The following TSPAN9 variants were observed in gnomAD, a reference collection of about 807,000 sequenced individuals.
The protein encoded by TSPAN9 is tetraspanin-9.
A neutral mutation model predicts 31.0 loss-of-function variants in TSPAN9; 16 were observed. That is an observed-to-expected ratio of 0.52 (90% CI 0.35 to 0.78). The LOEUF is 0.78. Among genes scored for constraint, TSPAN9 ranks in the 30% least tolerant of loss-of-function variants. The pLI is 0.01. For missense variants in TSPAN9, 272 were observed against 312.5 expected, an observed-to-expected ratio of 0.87 and a Z score of 0.98; for synonymous variants, 145 against 121.6, an observed-to-expected ratio of 1.19 and a Z score of -1.27.
chr12:3,227,830 C>G (rs1248451342), intron 3 of TSPAN9, among the ~76,000 whole-genome samples: 1 of 152,132 alleles, frequency 6.6e-6, no homozygotes, highest in East Asian at 1.9e-4. Flanking sequence ...GAGGGCTGGT[C>G]CTGCTCGGGT....
chr12:3,186,910 C>T (rs377033966), intron 2 of TSPAN9, among the ~76,000 whole-genome samples: 1 of 152,144 alleles, frequency 6.6e-6, no homozygotes, highest in Non-Finnish European at 1.5e-5. Flanking sequence ...GGGTTTGTTA[C>T]AGTTGTTTGC....
chr12:3,152,579 C>T (rs953723505), intron 2 of TSPAN9, among the ~76,000 whole-genome samples: 3 of 150,374 alleles, frequency 2.0e-5, no homozygotes, highest in African/African-American at 4.9e-5. Flanking sequence ...GTCAGAGCCC[C>T]GTTCTTTTCT....
intron 2 of TSPAN9, among the ~76,000 whole-genome samples, chr12:3,146,582 T>C (rs549822518): frequency 1.3e-5 from 2 of 152,132 alleles, no homozygotes; most frequent in African/African-American, 2.4e-5. Context: ...TTAATTACAC[T>C]TGGAATAAGT....
chr12:3,142,357 T>A (rs977584139), intron 2 of TSPAN9, among the ~76,000 whole-genome samples: 2 of 152,160 alleles, frequency 1.3e-5, no homozygotes, highest in Non-Finnish European at 2.9e-5. Context: ...GGAAACTGAA[T>A]GGGGCTCACG....
intron 2 of TSPAN9, among the ~76,000 whole-genome samples, chr12:3,123,850 G>A (rs1018186626): frequency 2.6e-5 from 4 of 152,132 alleles, no homozygotes; most frequent in East Asian, 1.9e-4. Context: ...CATGAGTTAG[G>A]GAGGGATGAG....
In TSPAN9 at chr12:3,211,849, G is replaced by A. The variant is rs1006982336; in HGVS notation, c.63+10593G>A. ...AGTAGGAATTGGGGCTCTGCACCAG[G>A]CGTTTCTTCTTGTGTTTCCTCTTCT... is the stretch of plus-strand genomic sequence containing the variant. On this transcript the variant is annotated intron_variant, in intron 3 of 8. Transcript: ENST00000011898. 12 of 1,595,322 alleles carry A rather than the reference G, an allele frequency of 7.5e-6. No individual in the cohort carries two copies. The Admixed American group carries it at 1.8e-4, about 24-fold the overall frequency.
chr12:3,263,894 G>T (rs1043679849), intron 3 of TSPAN9, among the ~76,000 whole-genome samples: 1 of 152,220 alleles, frequency 6.6e-6, no homozygotes, highest in Non-Finnish European at 1.5e-5. Context: ...GAAGAGGAAG[G>T]CTTTTTAGGT....
At chr12:3,266,786 G>A (rs529614880) in intron 3 of TSPAN9, among the ~76,000 whole-genome samples, 55 of 152,290 alleles carry the variant, frequency 3.6e-4, no homozygotes, top group Non-Finnish European at 6.8e-4. Context: ...GGGTGGACGC[G>A]GCTCCCGGCT....
At chr12:3,091,098 G>C (rs1294442257) in intron 2 of TSPAN9, among the ~76,000 whole-genome samples, 1 of 152,254 alleles carries the variant, frequency 6.6e-6, no homozygotes, top group Non-Finnish European at 1.5e-5. Flanking sequence ...ACTCCCTGCT[G>C]ATTTTCATGG....
At chr12:3,137,665 G>A (rs959169732) in intron 2 of TSPAN9, among the ~76,000 whole-genome samples, 29 of 152,232 alleles carry the variant, frequency 1.9e-4, no homozygotes, top group Admixed American at 7.2e-4. Context: ...CTCCAGCTGC[G>A]TCCTCCCTGT....
chr12:3,251,984 G>C (rs752757117), intron 3 of TSPAN9, among the ~76,000 whole-genome samples: 1 of 152,188 alleles, frequency 6.6e-6, no homozygotes, highest in Non-Finnish European at 1.5e-5. Flanking sequence ...GGACCTCATG[G>C]TTAAGCCACC....
rs113753713 is a variant in TSPAN9, at chr12:3,245,055, G to A, written c.64-33366G>A. Among the ~76,000 whole-genome samples the A allele has an allele frequency of 6.0e-3, 914 of 152,292 alleles. 12 individuals carry two copies. The highest frequency in any genetic ancestry group is 0.021 in the African/African-American group (870 of 41,536). ...GCCTATCTAGGTGCTAAGTGCTCCT[G>A]GGAAGAAGAGAGGAAGACAGACCAC... On this transcript the variant is annotated intron_variant, in intron 3 of 8. Coordinates refer to ENST00000011898, the MANE Select transcript of TSPAN9 (RefSeq NM_006675.5).
At chr12:3,218,620 G>A (rs949714308) in intron 3 of TSPAN9, among the ~76,000 whole-genome samples, 2 of 152,188 alleles carry the variant, frequency 1.3e-5, no homozygotes, top group Non-Finnish European at 2.9e-5. Context: ...ACCTGGGAAT[G>A]GGGAGGAGGA....
intron 3 of TSPAN9, among the ~76,000 whole-genome samples, chr12:3,253,386 A>C (rs770309995): frequency 5.9e-5 from 9 of 152,160 alleles, no homozygotes; most frequent in Admixed American, 2.0e-4. Context: ...TGACCTGCCT[A>C]GCTCTCACCC....
At chr12:3,278,657 T>G in intron 4 of TSPAN9, 45 bp downstream of exon 4, 7 of 1,587,634 alleles carry the variant, frequency 4.4e-6, no homozygotes, top group Non-Finnish European at 6.0e-6. Flanking sequence ...CCTGATCTCC[T>G]TGCACTTGGA....
rs1029376293 is a variant in TSPAN9 at position 3,192,014 on chromosome 12, A to C, written c.-17-9163A>C. ...AGTGAAGCCAGGCAGTGGGTCCAGG[A>C]AGAGCATCCAAGCAGAGGGAACAGC... On this transcript the variant is annotated intron_variant, in intron 2 of 8. Transcript: ENST00000011898. The surrounding 1 kb of genome is among the most constrained non-coding windows in gnomAD (Gnocchi z 4.6). Among the ~76,000 whole-genome samples, 1 of 152,080 alleles carries C rather than the reference A, an allele frequency of 6.6e-6. No homozygotes were observed. The highest frequency in any genetic ancestry group is 2.4e-5 in the African/African-American group (1 of 41,396).
At chr12:3,151,548 CA>C (rs1303871388) in intron 2 of TSPAN9, 1 of 152,220 alleles carries the variant, frequency 6.6e-6, no homozygotes, top group Non-Finnish European at 1.5e-5. Flanking sequence ...AGGCAGATGC[CA>C]CCAGCTGGGT....
At chr12:3,217,531 G>A (rs975502362) in intron 3 of TSPAN9, among the ~76,000 whole-genome samples, 1 of 152,184 alleles carries the variant, frequency 6.6e-6, no homozygotes, top group African/African-American at 2.4e-5. Flanking sequence ...AGCGGTGAGG[G>A]CCCTGTTTGG....
intron 3 of TSPAN9, among the ~76,000 whole-genome samples, chr12:3,202,615 C>G (rs1321122849): frequency 2.6e-5 from 4 of 152,106 alleles, no homozygotes; most frequent in Non-Finnish European, 5.9e-5. Flanking sequence ...CCTGCTTGTC[C>G]TCACGTCACT....
Sources: allele counts gnomAD v4.1 joint callset (sites outside exome capture counted in the v4.1 genomes callset), GRCh38; gene constraint gnomAD v4.1.1; non-coding constraint Gnocchi (gnomAD v3.1); transcripts MANE v1.5; gene names NCBI Gene and HGNC (gene_info 2026-07-23, HGNC 2026-07-21).